The following MICAL3 variants were observed in gnomAD, a reference collection of about 807,000 sequenced individuals.
MICAL3 encodes the protein microtubule associated monooxygenase, calponin and LIM domain containing 3, also known as [F-actin]-monooxygenase MICAL3.
In MICAL3, 62 loss-of-function variants were observed where a neutral mutation model predicts 207.4. That is an observed-to-expected ratio of 0.30 (90% confidence interval 0.24 to 0.37). The LOEUF (loss-of-function observed/expected upper bound fraction) is 0.37. MICAL3 is among the 10% of genes least tolerant of loss of function. The pLI is 1.00. For missense variants in MICAL3, 2,368 were observed against 2,635.6 expected, an observed-to-expected ratio of 0.90 and a Z score of 2.22; for synonymous variants, 1,077 against 1,069.3, an observed-to-expected ratio of 1.01 and a Z score of -0.14.
chr22:17,821,582 GC>G, intron 24 of MICAL3, 73 bp from the exon 25 acceptor site: 1 of 1,259,354 alleles, frequency 7.9e-7, no homozygotes, highest in Non-Finnish European at 1.1e-6. Context: ...CTATCAGCCA[GC>G]CCCAGAGGGT....
chr22:17,868,693 G>A (rs1927398348), intron 17 of MICAL3, among the ~76,000 whole-genome samples: 1 of 150,816 alleles, frequency 6.6e-6, no homozygotes, highest in Non-Finnish European at 1.5e-5. Context: ...CTGAATATGG[G>A]AGTAACTGGA....
intron 19 of MICAL3, among the ~76,000 whole-genome samples, chr22:17,854,945 T>C (rs941628542): frequency 6.6e-6 from 1 of 152,218 alleles, no homozygotes; most frequent in Non-Finnish European, 1.5e-5. Flanking sequence ...GAACATGGCA[T>C]GGAAAAACAC....
chr22:17,864,089 T>C (rs1381652196), intron 19 of MICAL3: 1 of 987,028 alleles, frequency 1.0e-6, no homozygotes, highest in Non-Finnish European at 1.2e-6. Flanking sequence ...AGGCAAGTTT[T>C]ACAAGTTGCT....
At chr22:17,814,148 G>A (rs1013211040) in intron 27 of MICAL3, 4 of 152,144 alleles carry the variant, frequency 2.6e-5, no homozygotes, top group South Asian at 2.1e-4. Flanking sequence ...TCCTTCTTCC[G>A]AGGCAGGTCA....
intron 1 of MICAL3, among the ~76,000 whole-genome samples, chr22:18,002,101 G>A (rs1324374535): frequency 3.9e-5 from 6 of 152,174 alleles, no homozygotes; most frequent in Admixed American, 1.3e-4. Context: ...TGGAGGCTGA[G>A]GCAGGAGAAT....
At chr22:17,991,300 C>G (rs1253815986) in intron 1 of MICAL3, among the ~76,000 whole-genome samples, 9 of 152,232 alleles carry the variant, frequency 5.9e-5, no homozygotes, top group Non-Finnish European at 1.3e-4. Flanking sequence ...AAGTGACAGG[C>G]AGTCATTCCC....
intron 1 of MICAL3, among the ~76,000 whole-genome samples, chr22:17,997,212 C>T (rs1363204108): frequency 6.6e-6 from 1 of 151,836 alleles, no homozygotes; most frequent in African/African-American, 2.4e-5. Flanking sequence ...CACAGGTACA[C>T]ACCACCACGC....
chr22:17,926,182 C>CTAAA (rs1932921304), intron 1 of MICAL3, among the ~76,000 whole-genome samples: 1 of 152,120 alleles, frequency 6.6e-6, no homozygotes, highest in Non-Finnish European at 1.5e-5. Flanking sequence ...GGTTAGAAGA[C>CTAAA]TAAAGGTCTA....
intron 16 of MICAL3, among the ~76,000 whole-genome samples, chr22:17,885,521 T>C (rs1929790082): frequency 6.6e-6 from 1 of 152,256 alleles, no homozygotes; most frequent in African/African-American, 2.4e-5. Flanking sequence ...GGTGGCTTAA[T>C]TACCTTTACT....
intron 19 of MICAL3, chr22:17,861,921 G>A: frequency 1.0e-6 from 1 of 985,372 alleles, no homozygotes; most frequent in Non-Finnish European, 1.2e-6. Context: ...AATTGGGTGT[G>A]GGTGTGTTTT....
intron 7 of MICAL3, among the ~76,000 whole-genome samples, chr22:17,898,711 CTT>C (rs1931079468): frequency 6.6e-6 from 1 of 152,194 alleles, no homozygotes; most frequent in South Asian, 2.1e-4. Flanking sequence ...CCAGGAAAGA[CTT>C]AAAAAACTCT....
chr22:17,879,881 G>A (rs373758946), intron 16 of MICAL3, among the ~76,000 whole-genome samples: 2 of 152,134 alleles, frequency 1.3e-5, no homozygotes, highest in Admixed American at 6.6e-5. Flanking sequence ...TAGGAGCATC[G>A]GGCCAAAGCA....
In MICAL3 at chr22:17,791,192, G is replaced by C; in HGVS notation, c.5750+10C>G. ...CATAGCGCTGACGCCCCCTACCCAA[G>C]GCCACTCACAAGATCATCAGCTCCG... On this transcript the variant is annotated intron_variant, in intron 30 of 31. Coordinates refer to ENST00000441493, the MANE Select transcript of MICAL3 (RefSeq NM_015241.3). 6.2e-7 allele frequency: 1 copy of C among 1,613,168 alleles called. No homozygotes were observed. Among genetic ancestry groups the C allele is most frequent in the Non-Finnish European group, 8.5e-7 (1 of 1,179,568 alleles).
At chr22:17,940,183 T>C (rs943183216) in intron 1 of MICAL3, among the ~76,000 whole-genome samples, 3 of 152,260 alleles carry the variant, frequency 2.0e-5, no homozygotes, top group Admixed American at 6.5e-5. Context: ...TCAGGGCCAG[T>C]TGGATACAAC....
At chr22:17,865,024 C>T in intron 18 of MICAL3, 38 bp from the exon 19 acceptor site, 2 of 1,568,344 alleles carry the variant, frequency 1.3e-6, no homozygotes, top group Non-Finnish European at 1.7e-6. Context: ...GTGACTCTGA[C>T]TGATGCACTC....
At chr22:17,795,262 C>T (rs1373472888) in intron 29 of MICAL3, among the ~76,000 whole-genome samples, 1 of 152,256 alleles carries the variant, frequency 6.6e-6, no homozygotes, top group African/African-American at 2.4e-5. Context: ...TTACAGCCGA[C>T]CTACAGTCAA....
At chr22:18,001,790 G>C (rs935828063) in intron 1 of MICAL3, among the ~76,000 whole-genome samples, 12 of 152,282 alleles carry the variant, frequency 7.9e-5, no homozygotes, top group African/African-American at 1.7e-4. Flanking sequence ...AGACGGGAAA[G>C]AACTGATTGG....
At chr22:17,936,374 A>T (rs895792545) in intron 1 of MICAL3, among the ~76,000 whole-genome samples, 1 of 152,140 alleles carries the variant, frequency 6.6e-6, no homozygotes, top group Admixed American at 6.5e-5. Flanking sequence ...GAACTGAACA[A>T]TGAGACCACT....
chr22:17,793,463 C>G lies in MICAL3; in HGVS notation c.5651-2162G>C, dbSNP rs1020425625. Among the ~76,000 whole-genome samples the G allele has an allele frequency of 1.3e-5, 2 of 152,158 alleles. No homozygotes were observed. Among genetic ancestry groups the G allele is most frequent in the Non-Finnish European group, 2.9e-5 (2 of 68,030 alleles). The stretch of plus-strand genomic sequence containing the variant: ...GATCTGAGACTTAAAGCCCCAGCCA[C>G]GAAGGGCCAGCCAATGCTGCAGCCC... On this transcript the variant is annotated intron_variant, in intron 29 of 31. Coordinates refer to ENST00000441493, the MANE Select transcript of MICAL3 (RefSeq NM_015241.3). The surrounding 1 kb of genome is among the most constrained non-coding windows in gnomAD (Gnocchi z 4.1).
Sources: gnomAD v4.1 joint callset for allele counts (sites outside exome capture counted in the v4.1 genomes callset) on GRCh38, gnomAD v4.1.1 for gene constraint, Gnocchi (gnomAD v3.1) non-coding constraint, MANE v1.5 for transcripts, NCBI Gene and HGNC (gene_info 2026-07-23, HGNC 2026-07-21) for gene names.